Variants in NRXN3 observed in about 807,000 individuals in gnomAD.
The protein encoded by NRXN3 is neurexin III.
Under a neutral mutation model 137.6 loss-of-function variants are expected in NRXN3, and 32 were observed. That is an observed-to-expected ratio of 0.23 (90% confidence interval 0.18 to 0.31). The LOEUF (loss-of-function observed/expected upper bound fraction) is 0.31, where lower values mean the gene tolerates loss of function less well. Ranked by LOEUF, NRXN3 falls within the 10% of genes least tolerant of loss-of-function variation. The pLI is 1.00. For synonymous variants in NRXN3, 798 were observed against 784.5 expected (o/e 1.02, Z -0.29); for missense variants, 1,574 against 2,062.5 (o/e 0.76, Z 4.59).
intron 1 of NRXN3, among the ~76,000 whole-genome samples, chr14:78,208,806 G>T (rs934217776): frequency 6.6e-6 from 1 of 152,206 alleles, no homozygotes; most frequent in Non-Finnish European, 1.5e-5. Flanking sequence ...CTCAGCACAT[G>T]GTAAGCTCAC....
intron 2 of NRXN3, among the ~76,000 whole-genome samples, chr14:78,266,195 A>G (rs1271165419): frequency 6.6e-6 from 1 of 152,208 alleles, no homozygotes; most frequent in East Asian, 1.9e-4. Flanking sequence ...AAAAATAGTG[A>G]TTAATAATAA....
At chr14:79,014,141 T>C (rs1294268140) in intron 15 of NRXN3, among the ~76,000 whole-genome samples, 1 of 152,228 alleles carries the variant, frequency 6.6e-6, no homozygotes, top group East Asian at 1.9e-4. Flanking sequence ...CAGGGGTACA[T>C]GTGCAGGTTT....
At chr14:79,680,962 G>T (rs1298227458) in intron 17 of NRXN3, among the ~76,000 whole-genome samples, 3 of 152,132 alleles carry the variant, frequency 2.0e-5, no homozygotes, top group African/African-American at 7.2e-5. Context: ...CCCCTAGTCT[G>T]TGTCTAGAAT....
intron 16 of NRXN3, among the ~76,000 whole-genome samples, chr14:79,553,056 G>C (rs112140937): frequency 6.6e-6 from 1 of 152,148 alleles, no homozygotes; most frequent in Non-Finnish European, 1.5e-5. Flanking sequence ...AGGAATGTGG[G>C]GGGTGGGGAA....
intron 4 of NRXN3, among the ~76,000 whole-genome samples, chr14:78,390,300 T>G (rs1288515683): frequency 6.6e-6 from 1 of 152,214 alleles, no homozygotes; most frequent in Non-Finnish European, 1.5e-5. Context: ...TATTTATTTC[T>G]GTGTTATCTA....
At chr14:78,661,315 A>G (rs958557231) in intron 6 of NRXN3, among the ~76,000 whole-genome samples, 4 of 152,234 alleles carry the variant, frequency 2.6e-5, no homozygotes, top group East Asian at 1.9e-4. Flanking sequence ...GAAAAGTACT[A>G]TGGACCTCAT....
chr14:78,703,579 T>C (rs574379075), intron 6 of NRXN3: 8 of 152,346 alleles, frequency 5.3e-5, no homozygotes, highest in African/African-American at 1.7e-4. Flanking sequence ...ATTTATTTTT[T>C]TGCTTGTTGT....
chr14:79,537,460 G>T (rs1023386829), intron 16 of NRXN3, among the ~76,000 whole-genome samples: 3 of 151,920 alleles, frequency 2.0e-5, no homozygotes, highest in Non-Finnish European at 4.4e-5. Flanking sequence ...CCCACAACAG[G>T]CCCCGGTGTG....
chr14:78,587,471 T>C (rs562478927), intron 4 of NRXN3, among the ~76,000 whole-genome samples: 1 of 152,318 alleles, frequency 6.6e-6, no homozygotes, highest in South Asian at 2.1e-4. Context: ...TATGGGAACG[T>C]TAATAGCACA....
chr14:79,508,895 A>G (rs1293405413), intron 16 of NRXN3, among the ~76,000 whole-genome samples: 2 of 152,120 alleles, frequency 1.3e-5, no homozygotes, highest in East Asian at 3.9e-4. Context: ...GGTTACTGTA[A>G]TCAATAATAA....
intron 15 of NRXN3, among the ~76,000 whole-genome samples, chr14:79,192,765 A>ATTTTT (rs961910712): frequency 1.2e-4 from 14 of 115,298 alleles, no homozygotes; most frequent in Admixed American, 3.2e-4. Context: ...AATTCTCTTA[A>ATTTTT]TTTTTTTTTT....
At chr14:79,258,010 C>G (rs116789632) in intron 15 of NRXN3, among the ~76,000 whole-genome samples, 2 of 151,998 alleles carry the variant, frequency 1.3e-5, no homozygotes, top group Non-Finnish European at 2.9e-5. Context: ...TGGTAAAGGA[C>G]TTCTTCCTAC....
At chr14:78,551,477 C>T (rs1027991761) in intron 4 of NRXN3, among the ~76,000 whole-genome samples, 8 of 152,124 alleles carry the variant, frequency 5.3e-5, no homozygotes, top group African/African-American at 1.9e-4. Flanking sequence ...AATCAGCATA[C>T]AATAGTTTGC....
intron 4 of NRXN3, among the ~76,000 whole-genome samples, chr14:78,562,396 CAAAAAAA>C (rs752464669): frequency 2.0e-5 from 1 of 49,470 alleles, no homozygotes. Flanking sequence ...ACTTATATCT[CAAAAAAA>C]AAAAAAAAAA....
intron 4 of NRXN3, among the ~76,000 whole-genome samples, chr14:78,429,566 A>T (rs907048863): frequency 2.6e-5 from 4 of 152,196 alleles, no homozygotes; most frequent in African/African-American, 9.6e-5. Flanking sequence ...TGTGCTTGGA[A>T]TAGATTTTAC....
Position 78,243,322 on chromosome 14 carries a change from T to C in NRXN3, c.229T>C (p.Cys77Arg). Residue 77 changes from cysteine (C) to arginine (R), a missense_variant, in exon 2 of 21, where the codon TGC becomes CGC. Around this residue, in one of 5 missense-constraint regions of NRXN3, gnomAD observed 400 missense variants for 527.3 expected, o/e 0.76. Transcript: ENST00000335750. The surrounding 1 kb of genome is among the most constrained non-coding windows in gnomAD (Gnocchi z 4.2). ...TGATGGCGGCGTCTGCGACTTCCTA[T>C]GCCTCTCCCTGGTGGATGGCCGCGT... ...LDDGGVCDFL[C>R]LSLVDGRVQL... is the part of the protein sequence containing the mutation. 2 of 1,559,472 alleles carry C rather than the reference T, an allele frequency of 1.3e-6. No individual in the cohort carries two copies. The highest frequency in any genetic ancestry group is 1.7e-6 in the Non-Finnish European group (2 of 1,160,014).
At chr14:79,550,452 G>A (rs921322938) in intron 16 of NRXN3, among the ~76,000 whole-genome samples, 1 of 152,088 alleles carries the variant, frequency 6.6e-6, no homozygotes, top group African/African-American at 2.4e-5. Flanking sequence ...CCTTGTTTGT[G>A]TCTTTCATTA....
intron 19 of NRXN3, among the ~76,000 whole-genome samples, chr14:79,704,983 G>A (rs1440025613): frequency 6.6e-6 from 1 of 152,144 alleles, no homozygotes; most frequent in Non-Finnish European, 1.5e-5. Context: ...CGTAATTTTG[G>A]TGGATGGAAC....
chr14:79,595,164 A>G (rs1602634900), intron 16 of NRXN3, among the ~76,000 whole-genome samples: 1 of 152,326 alleles, frequency 6.6e-6, no homozygotes, highest in East Asian at 1.9e-4. Flanking sequence ...CACATTAGCC[A>G]GTGTCACCCT....
Sources: gnomAD v4.1 joint callset for allele counts (sites outside exome capture counted in the v4.1 genomes callset) on GRCh38, gnomAD v4.1.1 for gene constraint, gnomAD v4.1.1 regional missense constraint, Gnocchi (gnomAD v3.1) non-coding constraint, MANE v1.5 for transcripts, NCBI Gene and HGNC (gene_info 2026-07-23, HGNC 2026-07-21) for gene names.